Variants in KNOP1 observed in about 807,000 individuals in gnomAD.
The protein encoded by KNOP1 is lysine rich nucleolar protein 1, also known as lysine-rich nucleolar protein 1.
KNOP1 carries 20 observed loss-of-function variants against 30.6 expected under a neutral mutation model. The ratio of observed to expected loss-of-function variants is 0.65; its 90% CI spans 0.46 to 0.95. The LOEUF (loss-of-function observed/expected upper bound fraction) is 0.95. KNOP1 is among the 40% of genes least tolerant of loss of function. The pLI, the probability that KNOP1 is intolerant of heterozygous loss-of-function variation, is 0.00. For missense variants in KNOP1, 540 were observed against 562.0 expected (o/e 0.96, Z 0.40); for synonymous variants, 204 against 210.0 (o/e 0.97, Z 0.25).
At chr16:19,713,329 G>C (rs1976815312) in intron 2 of KNOP1, among the ~76,000 whole-genome samples, 1 of 152,192 alleles carries the variant, frequency 6.6e-6, no homozygotes, top group South Asian at 2.1e-4. Context: ...CTGGCCTCAA[G>C]TGATCTGCCT....
chr16:19,716,609 A>T (rs1977104310), intron 1 of KNOP1: 1 of 152,208 alleles, frequency 6.6e-6, no homozygotes, highest in African/African-American at 2.4e-5. Context: ...TTAGGAATGT[A>T]TGGGTGGTGA....
Position 19,706,800 on chromosome 16 carries a change from C to T in KNOP1, c.*110G>A, listed in dbSNP as rs1346410808. 7.2e-6 allele frequency: 8 copies of T among 1,111,332 alleles called. No individual in the cohort carries two copies. Among genetic ancestry groups the T allele is most frequent in the Admixed American group, 4.4e-5 (2 of 45,454 alleles). The allele number at this position is 1,111,332 out of a possible 1,614,324, so 68.8% of individuals were successfully genotyped here. The stretch of plus-strand genomic sequence containing the variant: ...TGGGAGTTATTTATATCTTACTGCT[C>T]GAGGTCCTCACCAAGATCTGATTTT... On this transcript the variant is annotated 3_prime_UTR_variant, in exon 5 of 5. Coordinates refer to ENST00000219837, the MANE Select transcript of KNOP1 (RefSeq NM_001012991.3).
intron 2 of KNOP1, among the ~76,000 whole-genome samples, chr16:19,713,374 T>C (rs1420283584): frequency 6.6e-6 from 1 of 152,182 alleles, no homozygotes; most frequent in Non-Finnish European, 1.5e-5. Context: ...ATTACAAGCA[T>C]GAGCCACCGC....
At chr16:19,707,327 G>T (rs1481331029) in intron 4 of KNOP1, 106 bp from the exon 5 acceptor site, 3 of 844,918 alleles carry the variant, frequency 3.6e-6, no homozygotes, top group Non-Finnish European at 5.7e-6. Context: ...GATGGCTGCT[G>T]TGTACCAGGC....
chr16:19,715,130 G>C (rs567625360), intron 1 of KNOP1, 93 bp from the exon 2 acceptor site: 4 of 895,724 alleles, frequency 4.5e-6, no homozygotes, highest in Non-Finnish European at 6.6e-6. Context: ...CTTTGAGTGG[G>C]TGGTCAAAGC....
chr16:19,714,316 C>T lies in KNOP1; in HGVS notation c.720G>A (p.Arg240=), dbSNP rs747451381. The T allele has an allele frequency of 5.6e-6, 9 of 1,613,966 alleles. No homozygotes were observed. The highest frequency in any genetic ancestry group is 5.9e-6 in the Non-Finnish European group (7 of 1,179,998). The change falls in exon 2 of 5, where the codon AGG becomes AGA. Residue 240 remains arginine (R), a synonymous_variant. Transcript: ENST00000219837. ...KPSRSMESSP[R]KGSKKKPVKV... is the part of the protein sequence containing the mutation. ...TGACTGGCTTCTTTTTACTTCCTTTCCTAGGGCTGCTCTCCATGGACCTGG... is the reference window on the plus strand; with the variant it reads ...TGACTGGCTTCTTTTTACTTCCTTTTCTAGGGCTGCTCTCCATGGACCTGG...
rs376237958 is a variant in KNOP1 at position 19,705,366 on chromosome 16, A to C, written c.*1544T>G. ...TCAGAACCTGTATTTTGGGATGCAA[A>C]AAGCTAGGTGAGTGGAAAGAAGGTG... On this transcript the variant is annotated 3_prime_UTR_variant, in exon 5 of 5. Coordinates refer to ENST00000219837, the MANE Select transcript of KNOP1 (RefSeq NM_001012991.3). 3 of 417,804 alleles carry C rather than the reference A, an allele frequency of 7.2e-6. No homozygotes were observed. Among genetic ancestry groups the C allele is most frequent in the East Asian group, 7.2e-5 (1 of 13,974 alleles). The allele number at this position is 417,804 out of a possible 1,614,324, so 25.9% of individuals were successfully genotyped here.
At chr16:19,715,349 G>T in intron 1 of KNOP1, 1 of 259,916 alleles carries the variant, frequency 3.8e-6, no homozygotes. Context: ...GGGTGTTGGA[G>T]GGAGTAAATG....
chr16:19,717,244 G>GTAA, intron 1 of KNOP1: 1 of 892,582 alleles, frequency 1.1e-6, no homozygotes, highest in Non-Finnish European at 1.3e-6. Context: ...CATCCACTGG[G>GTAA]GGTTTAGGAA....
Position 19,714,398 on chromosome 16 carries a change from T to C in KNOP1, c.638A>G (p.Lys213Arg). Residue 213 changes from lysine to arginine, a missense_variant, in exon 2 of 5, where the codon AAG (lysine) becomes AGG (arginine). By Grantham distance (26) the Lys-to-Arg change is conservative. Coordinates refer to ENST00000219837, the MANE Select transcript of KNOP1 (RefSeq NM_001012991.3). ...KSPREHNGKV[K>R]KKKKIHQEGD... ...CTCCTGGTGGATTTTTTTTTTCTTC[T>C]TCACCTTCCCATTGTGTTCTCTGGG... 1 of 1,613,944 alleles carries C rather than the reference T, an allele frequency of 6.2e-7. No homozygotes were observed.
chr16:19,711,084 GC>G (rs1265541069), intron 3 of KNOP1, among the ~76,000 whole-genome samples: 3 of 152,254 alleles, frequency 2.0e-5, no homozygotes, highest in African/African-American at 7.2e-5. Context: ...CACCTGCCCA[GC>G]TGCAGGGTCT....
At chr16:19,715,785 G>A (rs1977025475) in intron 1 of KNOP1, among the ~76,000 whole-genome samples, 1 of 152,128 alleles carries the variant, frequency 6.6e-6, no homozygotes, top group Admixed American at 6.5e-5. Context: ...ATGATGCACA[G>A]TACTGAGGGC....
At position 19,705,473 on chromosome 16, in the gene KNOP1, T is replaced by G. The variant is rs1425701024; in HGVS notation, c.*1437A>C. ...CTGTAGAGTCCAGGCTTGGAAACGC[T>G]GTCCCCACAGCCGATGAGGCAACTT... On this transcript the variant is annotated 3_prime_UTR_variant, in exon 5 of 5. Transcript: ENST00000219837. 3.1e-6 allele frequency: 1 copy of G among 326,942 alleles called. No individual in the cohort carries two copies. Among genetic ancestry groups the G allele is most frequent in the Non-Finnish European group, 6.0e-6 (1 of 165,338 alleles). The allele number at this position is 326,942 out of a possible 1,614,324, so 20.3% of individuals were successfully genotyped here. A position where few individuals can be genotyped will look rare whatever the true frequency, so the allele number is the denominator to read the frequency against.
At chr16:19,710,420 T>C (rs770425016) in intron 4 of KNOP1, 89 bp downstream of exon 4, 3 of 1,317,128 alleles carry the variant, frequency 2.3e-6, no homozygotes, top group Non-Finnish European at 3.3e-6. Context: ...TACTTGGTTC[T>C]CCTGCTCCAC....
chr16:19,707,197 T>A lies in KNOP1; in HGVS notation c.1090A>T (p.Thr364Ser). The A allele has an allele frequency of 1.9e-6, 3 of 1,613,368 alleles. No individual in the cohort carries two copies. Among genetic ancestry groups the A allele is most frequent in the Non-Finnish European group, 2.5e-6 (3 of 1,179,974 alleles). ...WTGTQFGQWD[T>S]AGFENEDQKL... ...TGGTCCTCGTTCTCAAAACCAGCAG[T>A]ATCCCACTGGCCAAACTGGGTTCCC... Residue 364 changes from threonine to serine, a missense_variant, in exon 5 of 5, where the codon ACT becomes TCT. Thr to Ser is a moderately conservative substitution (Grantham distance 58). Coordinates refer to ENST00000219837, the MANE Select transcript of KNOP1 (RefSeq NM_001012991.3).
Position 19,705,282 on chromosome 16 carries a change from C to A in KNOP1, c.*1628G>T, listed in dbSNP as rs1373220551. 8.8e-6 allele frequency: 4 copies of A among 455,994 alleles called. No individual in the cohort carries two copies. The highest frequency in any genetic ancestry group is 6.2e-5 in the South Asian group (4 of 64,540). 28.2% of individuals were successfully genotyped at this position (455,994 alleles called of 1,614,324 possible). A position where few individuals can be genotyped will look rare whatever the true frequency, so the allele number is the denominator to read the frequency against. On this transcript the variant is annotated 3_prime_UTR_variant, in exon 5 of 5. Transcript: ENST00000219837. ...GAACTTTCTGGCCATCGAGGCCTGCCTGGGCTGGGATGTCTGTAGGAGGCA... is the reference window on the plus strand; with the variant it reads ...GAACTTTCTGGCCATCGAGGCCTGCATGGGCTGGGATGTCTGTAGGAGGCA...
Position 19,714,802 on chromosome 16 carries a change from G to A in KNOP1, c.234C>T (p.Cys78=), listed in dbSNP as rs58543897. Residue 78 remains cysteine (C), a synonymous_variant, in exon 2 of 5, where the codon TGC becomes TGT. Transcript: ENST00000219837. ...KKKKKGVSTL[C]EEHVEPETTL... is the part of the protein sequence containing the mutation. ...TGGTCTCAGGTTCTACATGCTCCTC[G>A]CAAAGGGTGCTGACACCCTTCTTTT... 18,037 of 1,614,054 alleles carry A rather than the reference G, an allele frequency of 0.011. 1,300 individuals are homozygous for A. The African/African-American group carries it at 0.18, about 16-fold the overall frequency.
At chr16:19,710,617 TC>T (rs769564536) in intron 3 of KNOP1, 31 bp from the exon 4 acceptor site, 1 of 1,576,912 alleles carries the variant, frequency 6.3e-7, no homozygotes, top group Non-Finnish European at 8.7e-7. Context: ...AAGAGGGCCG[TC>T]AGACAGAGAT....
chr16:19,709,544 T>C (rs531360842), intron 4 of KNOP1, among the ~76,000 whole-genome samples: 1 of 152,352 alleles, frequency 6.6e-6, no homozygotes, highest in South Asian at 2.1e-4. Context: ...GCCAGCTCTC[T>C]ATCATGGCCG....
Sources: gnomAD v4.1 joint callset for allele counts (sites outside exome capture counted in the v4.1 genomes callset) on GRCh38, gnomAD v4.1.1 for gene constraint, MANE v1.5 for transcripts, NCBI Gene and HGNC (gene_info 2026-07-23, HGNC 2026-07-21) for gene names.